NUP85: variants seen among roughly 807,000 people sequenced by gnomAD.
NUP85 encodes nucleoporin 85.
Under a neutral mutation model 92.8 loss-of-function variants are expected in NUP85, and 23 were observed. The observed-to-expected ratio is 0.25, with a 90% CI of 0.18 to 0.35. The LOEUF is 0.35. Ranked by LOEUF, NUP85 falls within the 10% of genes least tolerant of loss-of-function variation. The probability of loss-of-function intolerance (pLI) is 1.00; values close to 1 mark genes in which losing one functional copy is unlikely to be tolerated. For synonymous variants in NUP85, 314 were observed against 306.9 expected, an observed-to-expected ratio of 1.02 and a Z score of -0.24; for missense variants, 759 against 822.8, an observed-to-expected ratio of 0.92 and a Z score of 0.95.
At chr17:75,224,583 A>G (rs2145344972) in intron 7 of NUP85, among the ~76,000 whole-genome samples, 1 of 152,186 alleles carries the variant, frequency 6.6e-6, no homozygotes, top group South Asian at 2.1e-4. Context: ...CTGTAATCCC[A>G]ACACTTTGGG....
intron 4 of NUP85, among the ~76,000 whole-genome samples, chr17:75,212,269 T>G (rs1442755884): frequency 1.1e-4 from 6 of 56,958 alleles, no homozygotes; most frequent in African/African-American, 3.7e-4. Flanking sequence ...TTTTTTTTTT[T>G]TTTTTTTTTT....
Position 75,231,815 on chromosome 17 carries a change from C to T in NUP85, c.1245-13C>T, listed in dbSNP as rs371398837. The T allele has an allele frequency of 1.9e-5, 31 of 1,613,662 alleles. No individual in the cohort carries two copies. The highest frequency in any genetic ancestry group is 1.9e-4 in the African/African-American group (14 of 74,908). On this transcript the variant is annotated splice_polypyrimidine_tract_variant and intron_variant, in intron 13 of 18. Transcript: ENST00000245544. This position sits in a 1 kb window ranked among gnomAD's most constrained non-coding sequence, Gnocchi z 4.6. Reference sequence around the variant, plus strand: ...GGCAGCACCTCATGTCTGTCCTCCTCGAACCTTTGCAGCCTGTGGCAGCTG... The same window carrying T: ...GGCAGCACCTCATGTCTGTCCTCCTTGAACCTTTGCAGCCTGTGGCAGCTG...
chr17:75,221,398 CA>C (rs1454899775), intron 7 of NUP85, among the ~76,000 whole-genome samples: 2 of 152,056 alleles, frequency 1.3e-5, no homozygotes, highest in Non-Finnish European at 2.9e-5. Flanking sequence ...CTCAGCCTCC[CA>C]AAGTGCTGGG....
intron 6 of NUP85, among the ~76,000 whole-genome samples, chr17:75,216,840 A>G (rs1394466340): frequency 6.6e-6 from 1 of 152,166 alleles, no homozygotes; most frequent in Non-Finnish European, 1.5e-5. Context: ...CAGGTTCTAC[A>G]TCATGGATAC....
At chr17:75,229,777 C>G (rs1050411946) in intron 11 of NUP85, among the ~76,000 whole-genome samples, 3 of 152,166 alleles carry the variant, frequency 2.0e-5, no homozygotes, top group African/African-American at 7.2e-5. Flanking sequence ...TGGGAAGACA[C>G]CGGGCACTGT....
intron 11 of NUP85, among the ~76,000 whole-genome samples, chr17:75,230,624 G>C (rs1002399753): frequency 3.9e-5 from 6 of 152,252 alleles, no homozygotes; most frequent in African/African-American, 7.2e-5. Flanking sequence ...CTCCCAAAGT[G>C]CTGGGATTAC....
At chr17:75,218,588 G>GTTTT (rs67761124) in intron 7 of NUP85, among the ~76,000 whole-genome samples, 13,018 of 82,726 alleles carry the variant, frequency 0.16, 2,965 homozygotes, top group African/African-American at 0.21. Context: ...ATACAAAACC[G>GTTTT]TTTTTTTTTT....
In NUP85 at chr17:75,234,762, G is replaced by A. The variant is rs1321552081; in HGVS notation, c.1741G>A (p.Ala581Thr). The A allele has an allele frequency of 1.9e-6, 3 of 1,614,044 alleles. No homozygotes were observed. Among genetic ancestry groups the A allele is most frequent in the Non-Finnish European group, 2.5e-6 (3 of 1,180,042 alleles). Residue 581 changes from alanine (A) to threonine (T), a missense_variant, in exon 17 of 19, where the codon GCC (alanine) becomes ACC (threonine). Coordinates refer to ENST00000245544, the MANE Select transcript of NUP85 (RefSeq NM_024844.5). ...RSFWMTLLTDALPLLEQKQVI... is the reference protein window; with the variant it reads ...RSFWMTLLTDTLPLLEQKQVI... ...TTTCTGGATGACTCTGCTGACAGAC[G>A]CCTTGCCCCTTTTGGAACAGAAACA...
At chr17:75,224,669 TA>T (rs1396025423) in intron 7 of NUP85, among the ~76,000 whole-genome samples, 2 of 151,900 alleles carry the variant, frequency 1.3e-5, no homozygotes, top group Non-Finnish European at 2.9e-5. Context: ...CCATCTTTAC[TA>T]AAAACACAAA....
intron 16 of NUP85, among the ~76,000 whole-genome samples, chr17:75,233,389 T>C (rs1217879964): frequency 1.0e-3 from 21 of 20,152 alleles, no homozygotes; most frequent in Middle Eastern, 0.059. Context: ...CTCTCTTTCT[T>C]TCTCTTTCTC....
chr17:75,224,711 A>C (rs1435627198), intron 7 of NUP85, among the ~76,000 whole-genome samples: 1 of 152,004 alleles, frequency 6.6e-6, no homozygotes, highest in Non-Finnish European at 1.5e-5. Context: ...ATGCGCCTGT[A>C]ATCTCAGCTA....
intron 1 of NUP85, among the ~76,000 whole-genome samples, chr17:75,207,700 C>T (rs959206086): frequency 2.6e-5 from 4 of 151,702 alleles, no homozygotes; most frequent in African/African-American, 7.2e-5. Flanking sequence ...GGCTGGTCTC[C>T]AAAGCCTGAC....
chr17:75,222,889 G>T (rs2075638631), intron 7 of NUP85, among the ~76,000 whole-genome samples: 1 of 151,918 alleles, frequency 6.6e-6, no homozygotes, highest in East Asian at 1.9e-4. Flanking sequence ...CAAAAAATTA[G>T]CCAGGCATGG....
chr17:75,233,035 G>T (rs780750356), intron 15 of NUP85, 23 bp from the exon 16 acceptor site: 1 of 1,613,858 alleles, frequency 6.2e-7, no homozygotes. Flanking sequence ...CTGCTGCTCT[G>T]ATCTCTGGGC....
chr17:75,211,929 C>G lies in NUP85; in HGVS notation c.291-63C>G, dbSNP rs1208051663. The G allele has an allele frequency of 6.2e-6, 8 of 1,284,112 alleles. No individual in the cohort carries two copies. In the African/African-American group the frequency reaches 1.0e-4, roughly 17 times the overall value. The allele number at this position is 1,284,112 out of a possible 1,614,324, so 79.5% of individuals were successfully genotyped here. ...AATTTCTGCATTTATTTGAGTGTTT[C>G]CTTCCTTTGTGGCACTACAAGATGT... On this transcript the variant is annotated intron_variant, in intron 3 of 18. Transcript: ENST00000245544.
At chr17:75,228,629 G>A (rs572885802) in intron 11 of NUP85, 3 of 985,446 alleles carry the variant, frequency 3.0e-6, no homozygotes, top group South Asian at 4.7e-5. Flanking sequence ...AGTTCTGGGC[G>A]GCAGGGAAGT....
chr17:75,222,983 C>T (rs1202182658), intron 7 of NUP85, among the ~76,000 whole-genome samples: 1 of 145,844 alleles, frequency 6.9e-6, no homozygotes, highest in Non-Finnish European at 1.5e-5. Flanking sequence ...TGCAGTGAGC[C>T]GAGATCGCGC....
At chr17:75,216,799 TGAG>T (rs2075446146) in intron 6 of NUP85, among the ~76,000 whole-genome samples, 1 of 152,182 alleles carries the variant, frequency 6.6e-6, no homozygotes, top group Non-Finnish European at 1.5e-5. Context: ...AGTGGATTTT[TGAG>T]GAGGTTACAG....
chr17:75,233,745 C>T (rs1184776501), intron 16 of NUP85, among the ~76,000 whole-genome samples: 1 of 152,070 alleles, frequency 6.6e-6, no homozygotes, highest in Admixed American at 6.5e-5. Flanking sequence ...ACTACAGGCG[C>T]ACGCCACCAC....
Sources: allele counts gnomAD v4.1 joint callset (sites outside exome capture counted in the v4.1 genomes callset), GRCh38; gene constraint gnomAD v4.1.1; non-coding constraint Gnocchi (gnomAD v3.1); transcripts MANE v1.5; gene names NCBI Gene and HGNC (gene_info 2026-07-23, HGNC 2026-07-21).